The following TMEM71 variants were observed in gnomAD, a reference collection of about 807,000 sequenced individuals.
The protein encoded by TMEM71 is transmembrane protein 71.
TMEM71 carries 44 observed loss-of-function variants against 38.0 expected under a neutral mutation model. The ratio of observed to expected loss-of-function variants is 1.16; its 90% CI spans 0.91 to 1.49. TMEM71 has a LOEUF of 1.49. Ranked by LOEUF, TMEM71 falls within the 40% of genes most tolerant of loss-of-function variation. The pLI is 0.00. For synonymous variants in TMEM71, 133 were observed against 122.5 expected, an observed-to-expected ratio of 1.09 and a Z score of -0.56; for missense variants, 367 against 348.6, an observed-to-expected ratio of 1.05 and a Z score of -0.42.
chr8:132,751,842 C>T lies in TMEM71; in HGVS notation c.257G>A (p.Gly86Asp), dbSNP rs534541231. Reference protein sequence around the residue: ...TEDSFLCDKDGNITLNPSQTS... With the variant: ...TEDSFLCDKDDNITLNPSQTS... Reference sequence around the variant, plus strand: ...CTGGGATGGGTTCAGAGTTATGTTGCCATCTTTGTCGCACAGGAAGCTGTC... The same window carrying T: ...CTGGGATGGGTTCAGAGTTATGTTGTCATCTTTGTCGCACAGGAAGCTGTC... The change falls in exon 4 of 10, where the codon GGC becomes GAC. Residue 86 changes from glycine to aspartate, a missense_variant. Gly to Asp is a moderately conservative substitution (Grantham distance 94, BLOSUM62 -1). Coordinates refer to ENST00000677595, the MANE Select transcript of TMEM71 (RefSeq NM_001382403.1). 62 of 1,613,970 alleles carry T rather than the reference C, an allele frequency of 3.8e-5. No individual in the cohort carries two copies. The South Asian group carries it at 6.6e-4, about 17-fold the overall frequency.
rs535885947 is a variant in TMEM71 at position 132,750,009 on chromosome 8, T to C, written c.314+1776A>G. Reference sequence around the variant, plus strand: ...AGCCTGGCGAAAGAGCGAGACTCCATCTCAAAAAAAAAAAAAGAAAGAAAG... The same window carrying C: ...AGCCTGGCGAAAGAGCGAGACTCCACCTCAAAAAAAAAAAAAGAAAGAAAG... On this transcript the variant is annotated intron_variant, in intron 4 of 9. Coordinates refer to ENST00000677595, the MANE Select transcript of TMEM71 (RefSeq NM_001382403.1). Among the ~76,000 whole-genome samples, 17 of 62,244 alleles carry C rather than the reference T, an allele frequency of 2.7e-4. No individual in the cohort carries two copies. In the East Asian group the frequency reaches 5.8e-3, roughly 21 times the overall value. 40.8% of individuals were successfully genotyped at this position (62,244 alleles called of 152,430 possible). A position where few individuals can be genotyped will look rare whatever the true frequency, so the allele number is the denominator to read the frequency against.
Position 132,710,863 on chromosome 8 carries a change from T to C in TMEM71, c.*104A>G, listed in dbSNP as rs753172609. ...AAATGGCTTTTTCTCCATTACTCGC[T>C]TACTCCCTTCCAATAAAACACTTGA... is the stretch of plus-strand genomic sequence containing the variant. On this transcript the variant is annotated 3_prime_UTR_variant, in exon 10 of 10. Coordinates refer to ENST00000677595, the MANE Select transcript of TMEM71 (RefSeq NM_001382403.1). The C allele has an allele frequency of 5.4e-5, 58 of 1,069,654 alleles. No individual in the cohort carries two copies. The East Asian group carries it at 1.4e-3, about 25-fold the overall frequency. The allele number at this position is 1,069,654 out of a possible 1,614,324, so 66.3% of individuals were successfully genotyped here.
chr8:132,758,527 C>T, intron 2 of TMEM71: 1 of 258,706 alleles, frequency 3.9e-6, no homozygotes, highest in Non-Finnish European at 7.3e-6. Context: ...CAAAATCATT[C>T]AGCATTTTTT....
At chr8:132,715,191 G>A (rs1826443646) in intron 7 of TMEM71, among the ~76,000 whole-genome samples, 3 of 151,980 alleles carry the variant, frequency 2.0e-5, no homozygotes, top group East Asian at 1.9e-4. Flanking sequence ...CGGATCACGA[G>A]GTCAGGAGAT....
At chr8:132,770,145 T>A in the TMEM71 span, among the ~76,000 whole-genome samples, 1 of 152,250 alleles carries the variant, frequency 6.6e-6, no homozygotes, top group Non-Finnish European at 1.5e-5. Context: ...GGAATGTGAA[T>A]GTTAGGTCAA....
intron 6 of TMEM71, among the ~76,000 whole-genome samples, chr8:132,727,552 G>A (rs531936688): frequency 1.8e-4 from 28 of 152,128 alleles, no homozygotes; most frequent in African/African-American, 5.3e-4. Context: ...TGCCGTGCCC[G>A]GTCTCTGAAT....
chr8:132,752,595 G>T (rs1051068512), intron 3 of TMEM71, among the ~76,000 whole-genome samples: 6 of 152,048 alleles, frequency 3.9e-5, no homozygotes, highest in Admixed American at 3.9e-4. Flanking sequence ...TGAGTTAGGC[G>T]TGGTGGCATG....
At chr8:132,706,663 A>G (rs938774331), downstream of TMEM71, among the ~76,000 whole-genome samples, 1 of 152,160 alleles carries the variant, frequency 6.6e-6, no homozygotes, top group Admixed American at 6.6e-5. Context: ...TAAGAAATAA[A>G]CTTTTTGTTT....
At chr8:132,765,282 A>G (rs559775920), upstream of TMEM71, among the ~76,000 whole-genome samples, 10 of 152,300 alleles carry the variant, frequency 6.6e-5, no homozygotes, top group South Asian at 2.1e-3. Flanking sequence ...AGGTCCCCGA[A>G]AGTTAGACTT....
At chr8:132,731,376 C>T (rs897209042) in intron 5 of TMEM71, among the ~76,000 whole-genome samples, 2 of 152,056 alleles carry the variant, frequency 1.3e-5, no homozygotes, top group Non-Finnish European at 2.9e-5. Flanking sequence ...ATTTATCATT[C>T]AATAATAAAA....
At chr8:132,731,314 G>A (rs1827442125) in intron 5 of TMEM71, among the ~76,000 whole-genome samples, 1 of 152,144 alleles carries the variant, frequency 6.6e-6, no homozygotes, top group African/African-American at 2.4e-5. Context: ...GGTGGTAGAA[G>A]GGTGCTGATG....
chr8:132,751,071 T>G (rs1586804272), intron 4 of TMEM71, among the ~76,000 whole-genome samples: 2 of 152,334 alleles, frequency 1.3e-5, no homozygotes, highest in East Asian at 3.9e-4. Flanking sequence ...TAGCAGTCAC[T>G]ATTATCTTTC....
chr8:132,725,590 G>A (rs994167207), intron 6 of TMEM71, among the ~76,000 whole-genome samples: 2 of 152,068 alleles, frequency 1.3e-5, no homozygotes, highest in Non-Finnish European at 2.9e-5. Flanking sequence ...CTATATCTTT[G>A]GCACCTGGAA....
At chr8:132,756,734 A>G (rs1829038895) in intron 3 of TMEM71, among the ~76,000 whole-genome samples, 7 of 151,750 alleles carry the variant, frequency 4.6e-5, no homozygotes, top group Non-Finnish European at 8.8e-5. Context: ...TTACAGGCAC[A>G]TACCATCATG....
At chr8:132,764,364 G>T (rs1357045535), upstream of TMEM71, among the ~76,000 whole-genome samples, 1 of 151,674 alleles carries the variant, frequency 6.6e-6, no homozygotes, top group Non-Finnish European at 1.5e-5. Flanking sequence ...AAGTCACTTG[G>T]CCTCTCTCCA....
At chr8:132,766,992 C>T in the TMEM71 span, among the ~76,000 whole-genome samples, 3 of 152,280 alleles carry the variant, frequency 2.0e-5, no homozygotes, top group East Asian at 5.8e-4. Context: ...GATGGAGTAA[C>T]TTCCATCAAA....
chr8:132,760,424 T>G (rs1027280781), intron 1 of TMEM71, 52 bp downstream of exon 1: 3 of 152,218 alleles, frequency 2.0e-5, no homozygotes, highest in Non-Finnish European at 4.4e-5. Flanking sequence ...CTGAAAAATG[T>G]CTGAATGTCA....
intron 3 of TMEM71, among the ~76,000 whole-genome samples, chr8:132,755,646 G>C (rs1283414017): frequency 2.0e-5 from 3 of 152,112 alleles, no homozygotes; most frequent in Non-Finnish European, 4.4e-5. Flanking sequence ...ATTACAGAAG[G>C]TCTCTCATCC....
chr8:132,772,123 T>C, the TMEM71 span, among the ~76,000 whole-genome samples: 1 of 152,232 alleles, frequency 6.6e-6, no homozygotes, highest in Non-Finnish European at 1.5e-5. Flanking sequence ...AATAGCTATC[T>C]TGTGTTTTAT....
Sources: gnomAD v4.1 joint callset for allele counts (sites outside exome capture counted in the v4.1 genomes callset) on GRCh38, gnomAD v4.1.1 for gene constraint, MANE v1.5 for transcripts, NCBI Gene and HGNC (gene_info 2026-07-23, HGNC 2026-07-21) for gene names.